HTR4: variants seen among roughly 807,000 people sequenced by gnomAD.
The protein encoded by HTR4 is 5-hydroxytryptamine receptor 4, also known as 5-hydroxytryptamine (serotonin) receptor 4, G protein-coupled.
Under a neutral mutation model 36.8 loss-of-function variants are expected in HTR4, and 16 were observed. The ratio of observed to expected loss-of-function variants is 0.43; its 90% CI spans 0.29 to 0.66. The LOEUF (loss-of-function observed/expected upper bound fraction) is 0.66, where lower values mean the gene tolerates loss of function less well. Ranked by LOEUF, HTR4 falls within the 30% of genes least tolerant of loss-of-function variation. The pLI, the probability that HTR4 is intolerant of heterozygous loss-of-function variation, is 0.13. For missense variants in HTR4, 438 were observed against 490.9 expected, an observed-to-expected ratio of 0.89 and a Z score of 1.02; for synonymous variants, 189 against 185.1, an observed-to-expected ratio of 1.02 and a Z score of -0.17.
At chr5:148,489,452 A>G (rs147803802) in intron 6 of HTR4, among the ~76,000 whole-genome samples, 9 of 152,196 alleles carry the variant, frequency 5.9e-5, no homozygotes, top group African/African-American at 1.9e-4. Context: ...TGAGTCAGGT[A>G]CATAAAGAAT....
At position 148,509,874 on chromosome 5, in the gene HTR4, T is replaced by C; in HGVS notation, c.658A>G (p.Lys220Glu). Reference sequence around the variant, plus strand: ...ATCTGGATCTGATGGGCATGCTCCTTAGCTGTGACATAGATGCGGTAATAG... The same window carrying C: ...ATCTGGATCTGATGGGCATGCTCCTCAGCTGTGACATAGATGCGGTAATAG... ...LAYYRIYVTAKEHAHQIQMLQ... is the reference protein window; with the variant it reads ...LAYYRIYVTAEEHAHQIQMLQ... The change falls in exon 6 of 7, where the codon AAG becomes GAG. Residue 220 changes from lysine to glutamate, a missense_variant. By Grantham distance (56) the Lys-to-Glu change is moderately conservative. Coordinates refer to ENST00000377888, the MANE Select transcript of HTR4 (RefSeq NM_000870.7). 6.2e-7 allele frequency: 1 copy of C among 1,613,944 alleles called. No homozygotes were observed. The highest frequency in any genetic ancestry group is 8.5e-7 in the Non-Finnish European group (1 of 1,179,970).
intron 2 of HTR4, among the ~76,000 whole-genome samples, chr5:148,564,896 G>C (rs893185959): frequency 6.6e-6 from 1 of 152,104 alleles, no homozygotes; most frequent in African/African-American, 2.4e-5. Flanking sequence ...TGGATCATAA[G>C]GTCAGGAGTT....
At chr5:148,463,697 T>G (rs1289110902) in intron 5 of HTR4, among the ~76,000 whole-genome samples, 3 of 143,254 alleles carry the variant, frequency 2.1e-5, no homozygotes, top group African/African-American at 5.6e-5. Flanking sequence ...TCAGTGAGGT[T>G]TTTTTTTTTT....
chr5:148,484,399 T>G (rs1413372358), intron 6 of HTR4: 4 of 1,604,138 alleles, frequency 2.5e-6, no homozygotes, highest in Admixed American at 3.3e-5. Context: ...AAAGAAATTA[T>G]TTGGCATGAA....
At chr5:148,562,970 C>A (rs192564191) in intron 2 of HTR4, among the ~76,000 whole-genome samples, 1 of 152,312 alleles carries the variant, frequency 6.6e-6, no homozygotes, top group East Asian at 1.9e-4. Context: ...TCATTTCTCA[C>A]ATACAATCCA....
At chr5:148,523,156 C>A in intron 5 of HTR4, 37 bp downstream of exon 5, 1 of 1,571,292 alleles carries the variant, frequency 6.4e-7, no homozygotes, top group South Asian at 1.2e-5. Context: ...CAAAGTTGAT[C>A]AGACAGTAAA....
intron 1 of HTR4, among the ~76,000 whole-genome samples, chr5:148,649,028 T>C (rs987826004): frequency 2.0e-5 from 3 of 152,332 alleles, no homozygotes; most frequent in Middle Eastern, 3.4e-3. Flanking sequence ...CATTTACTAA[T>C]ACACCTAGCC....
intron 1 of HTR4, among the ~76,000 whole-genome samples, chr5:148,647,496 A>T (rs1753907214): frequency 6.6e-6 from 1 of 152,140 alleles, no homozygotes; most frequent in African/African-American, 2.4e-5. Flanking sequence ...CCACTACCTG[A>T]ACTTTAGTGA....
At chr5:148,643,643 C>T (rs185484662) in intron 1 of HTR4, among the ~76,000 whole-genome samples, 94 of 152,244 alleles carry the variant, frequency 6.2e-4, no homozygotes, top group African/African-American at 2.1e-3. Context: ...TCAGCAAGCA[C>T]CTGAGAATAA....
At chr5:148,486,049 G>A (rs1376844444) in intron 6 of HTR4, among the ~76,000 whole-genome samples, 1 of 152,108 alleles carries the variant, frequency 6.6e-6, no homozygotes, top group Non-Finnish European at 1.5e-5. Context: ...TCTAATGCCA[G>A]GTTACATCAA....
intron 2 of HTR4, among the ~76,000 whole-genome samples, chr5:148,563,977 C>T (rs1760328081): frequency 6.6e-6 from 1 of 152,060 alleles, no homozygotes; most frequent in African/African-American, 2.4e-5. Context: ...GTTATTCTGC[C>T]TTGGCAATTA....
At chr5:148,577,372 G>A (rs1471164821) in intron 2 of HTR4, among the ~76,000 whole-genome samples, 34 of 152,074 alleles carry the variant, frequency 2.2e-4, no homozygotes, top group Admixed American at 2.2e-3. Flanking sequence ...GTTGGTGGGA[G>A]TGTAAATTAG....
intron 2 of HTR4, among the ~76,000 whole-genome samples, chr5:148,623,900 G>A (rs1367050479): frequency 2.0e-5 from 3 of 152,206 alleles, no homozygotes; most frequent in East Asian, 1.9e-4. Flanking sequence ...AAGAGAAACA[G>A]AAAGGTTATT....
chr5:148,537,926 A>G (rs995989007), intron 4 of HTR4, among the ~76,000 whole-genome samples: 7 of 151,914 alleles, frequency 4.6e-5, no homozygotes, highest in African/African-American at 1.7e-4. Flanking sequence ...GCAGAGAAAC[A>G]ACAACAAGAA....
intron 2 of HTR4, chr5:148,630,432 G>A (rs923939897): frequency 6.6e-6 from 1 of 152,114 alleles, no homozygotes; most frequent in African/African-American, 2.4e-5. Context: ...AGAAAATGGT[G>A]CTAAATAGGT....
intron 2 of HTR4, among the ~76,000 whole-genome samples, chr5:148,635,454 C>T (rs758757747): frequency 9.2e-5 from 14 of 151,996 alleles, no homozygotes; most frequent in African/African-American, 7.3e-5. Context: ...GATTCTGGGG[C>T]GTGATATCAT....
chr5:148,499,279 A>T (rs1412422006), intron 6 of HTR4, among the ~76,000 whole-genome samples: 1 of 152,156 alleles, frequency 6.6e-6, no homozygotes, highest in Non-Finnish European at 1.5e-5. Context: ...TTTCTGGAAT[A>T]ATGTTAGGTT....
chr5:148,479,487 A>C (rs1755807938), downstream of HTR4, among the ~76,000 whole-genome samples: 1 of 152,194 alleles, frequency 6.6e-6, no homozygotes, highest in African/African-American at 2.4e-5. Context: ...ACATGTACAG[A>C]ATGCACTCAT....
chr5:148,500,098 G>C (rs993994835), intron 6 of HTR4, among the ~76,000 whole-genome samples: 23 of 152,212 alleles, frequency 1.5e-4, no homozygotes, highest in African/African-American at 4.6e-4. Flanking sequence ...GCCAATACAG[G>C]GGGTAAGTGT....
Sources: allele counts gnomAD v4.1 joint callset (sites outside exome capture counted in the v4.1 genomes callset), GRCh38; gene constraint gnomAD v4.1.1; transcripts MANE v1.5; gene names NCBI Gene and HGNC (gene_info 2026-07-23, HGNC 2026-07-21).